The following CAMSAP1 variants were observed in gnomAD, a reference collection of about 807,000 sequenced individuals.
CAMSAP1 encodes the protein calmodulin regulated spectrin associated protein 1.
CAMSAP1 carries 58 observed loss-of-function variants against 143.5 expected under a neutral mutation model. That is an observed-to-expected ratio of 0.40 (90% CI 0.33 to 0.50). The LOEUF (loss-of-function observed/expected upper bound fraction) is 0.50, where lower values mean the gene tolerates loss of function less well. CAMSAP1 is among the 20% of genes least tolerant of loss of function. CAMSAP1 has a pLI of 0.45. For synonymous variants in CAMSAP1, 945 were observed against 859.3 expected (o/e 1.10, Z -1.74); for missense variants, 1,969 against 2,115.7 (o/e 0.93, Z 1.36).
At position 135,822,923 on chromosome 9, in the gene CAMSAP1, G is replaced by A. The variant is rs1262543450; in HGVS notation, c.1738C>T (p.Leu580=). Residue 580 remains leucine, a synonymous_variant, in exon 11 of 17, where the codon CTG becomes TTG. Coordinates refer to ENST00000389532, the MANE Select transcript of CAMSAP1 (RefSeq NM_015447.4). This position sits in a 1 kb window ranked among gnomAD's most constrained non-coding sequence, Gnocchi z 6.1. Reference sequence around the variant, plus strand: ...TCAGGCTTACTTTCCGAGGTGTCCAGCTGTCCTTGGGGAGACCGGGCATTT... The same window carrying A: ...TCAGGCTTACTTTCCGAGGTGTCCAACTGTCCTTGGGGAGACCGGGCATTT... ...TANARSPQGQ[L]DTSESKPDSF... 1 of 1,613,998 alleles carries A rather than the reference G, an allele frequency of 6.2e-7. No individual in the cohort carries two copies. Among genetic ancestry groups the A allele is most frequent in the Non-Finnish European group, 8.5e-7 (1 of 1,179,894 alleles).
intron 4 of CAMSAP1, among the ~76,000 whole-genome samples, chr9:135,863,509 A>T (rs1837270630): frequency 6.6e-6 from 1 of 152,224 alleles, no homozygotes; most frequent in Non-Finnish European, 1.5e-5. Context: ...GAAAACCAGC[A>T]ATCTACAATA....
Position 135,818,639 on chromosome 9 carries a change from C to CA in CAMSAP1, c.3960-24dup, listed in dbSNP as rs1419934344. 6.2e-7 allele frequency: 1 copy of CA among 1,608,200 alleles called. No individual in the cohort carries two copies. Among genetic ancestry groups the CA allele is most frequent in the Admixed American group, 1.7e-5 (1 of 59,914 alleles). Reference sequence around the variant, plus strand: ...CGCCTGAGAGAAACACACGCCCAGACACTGCTCGGTCACGGGGCTTCTTCC... The same window carrying CA: ...CGCCTGAGAGAAACACACGCCCAGACAACTGCTCGGTCACGGGGCTTCTTCC... On this transcript the variant is annotated intron_variant, in intron 12 of 16. Transcript: ENST00000389532. This position sits in a 1 kb window ranked among gnomAD's most constrained non-coding sequence, Gnocchi z 7.7.
chr9:135,822,091 T>C lies in CAMSAP1; in HGVS notation c.2570A>G (p.Gln857Arg), dbSNP rs1169761040. 1.9e-6 allele frequency: 3 copies of C among 1,612,874 alleles called. No individual in the cohort carries two copies. Among genetic ancestry groups the C allele is most frequent in the Non-Finnish European group, 2.5e-6 (3 of 1,179,684 alleles). Residue 857 changes from glutamine (Q) to arginine (R), a missense_variant, in exon 11 of 17, where the codon CAG becomes CGG. Physicochemically the swap from Gln to Arg is conservative, Grantham distance 43. Coordinates refer to ENST00000389532, the MANE Select transcript of CAMSAP1 (RefSeq NM_015447.4). The surrounding 1 kb of genome is among the most constrained non-coding windows in gnomAD (Gnocchi z 6.1). ...CTGGCTCGGACTCTGCTCCCTCTTC[T>C]GCCTCCACGTCGTCAGAGGGGCTGG... ...SCPAPLTTWRQKREQSPSQHG... is the reference protein window; with the variant it reads ...SCPAPLTTWRRKREQSPSQHG...
rs201570428 is a variant in CAMSAP1, at chr9:135,820,893, C to T, written c.3768G>A (p.Ser1256=). Residue 1256 remains serine (S), a synonymous_variant, in exon 11 of 17, where the codon TCG becomes TCA. Transcript: ENST00000389532. The surrounding 1 kb of genome is among the most constrained non-coding windows in gnomAD (Gnocchi z 4.4). ...GGTCGCCTTCGCTGACAAGGTCCGC[C>T]GAGCCATCGAGGCTTACCAGCTCCC... ...EDGELVSLDG[S]ADLVSEGDQK... 125 of 1,613,696 alleles carry T rather than the reference C, an allele frequency of 7.7e-5. No homozygotes were observed. The East Asian group carries it at 1.6e-3, about 20-fold the overall frequency.
chr9:135,903,220 A>G (rs1024299992), intron 1 of CAMSAP1, among the ~76,000 whole-genome samples: 1 of 152,186 alleles, frequency 6.6e-6, no homozygotes, highest in African/African-American at 2.4e-5. Flanking sequence ...CTTTCCACCA[A>G]TTTATTACAA....
At chr9:135,892,867 A>AAAAAAAAAAAAG (rs1554800261) in intron 1 of CAMSAP1, among the ~76,000 whole-genome samples, 12 of 147,834 alleles carry the variant, frequency 8.1e-5, no homozygotes, top group African/African-American at 3.0e-4. Flanking sequence ...AAAAAAAAAA[A>AAAAAAAAAAAAG]GAACTAATCA....
Position 135,877,131 on chromosome 9 carries a change from T to C in CAMSAP1, c.585+4502A>G, listed in dbSNP as rs1588496592. On this transcript the variant is annotated intron_variant, in intron 3 of 16. Transcript: ENST00000389532. Reference sequence around the variant, plus strand: ...AGGTGGACAGATAAACGAACCATGGTATATGCACACGATGGAACTCTACCA... The same window carrying C: ...AGGTGGACAGATAAACGAACCATGGCATATGCACACGATGGAACTCTACCA... Among the ~76,000 whole-genome samples the C allele has an allele frequency of 2.0e-5, 3 of 151,946 alleles. No homozygotes were observed. In the East Asian group the frequency reaches 5.8e-4, roughly 29 times the overall value.
rs115460772 is a variant in CAMSAP1 at position 135,850,885 on chromosome 9, G to A, written c.809-424C>T. Among the ~76,000 whole-genome samples, 1,288 of 152,348 alleles carry A rather than the reference G, an allele frequency of 8.5e-3. 26 individuals are homozygous for A. The highest frequency in any genetic ancestry group is 0.03 in the African/African-American group (1,227 of 41,580). On this transcript the variant is annotated intron_variant, in intron 5 of 16. Coordinates refer to ENST00000389532, the MANE Select transcript of CAMSAP1 (RefSeq NM_015447.4). ...CAGGGGGAAGGGAAATGAATAAAAC[G>A]TAAAGCATCAGGCTCATCCACGCCC...
At chr9:135,846,622 T>G (rs1222550863) in intron 7 of CAMSAP1, among the ~76,000 whole-genome samples, 1 of 143,502 alleles carries the variant, frequency 7.0e-6, no homozygotes, top group Non-Finnish European at 1.5e-5. Flanking sequence ...ATTTTTGCAA[T>G]CTATCCAACT....
intron 3 of CAMSAP1, among the ~76,000 whole-genome samples, chr9:135,869,758 T>C (rs1259288261): frequency 6.6e-6 from 1 of 152,018 alleles, no homozygotes; most frequent in Non-Finnish European, 1.5e-5. Context: ...TTCACAATAG[T>C]CAAGATGCAG....
At chr9:135,864,028 A>G (rs1221838617) in intron 4 of CAMSAP1, among the ~76,000 whole-genome samples, 2 of 152,218 alleles carry the variant, frequency 1.3e-5, no homozygotes, top group Non-Finnish European at 2.9e-5. Flanking sequence ...TAGGCTGTAC[A>G]GTGTTGAGGT....
chr9:135,893,181 AAGAGAAG>A (rs1419308321), intron 1 of CAMSAP1, among the ~76,000 whole-genome samples: 2 of 151,902 alleles, frequency 1.3e-5, no homozygotes, highest in Non-Finnish European at 2.9e-5. Flanking sequence ...AGAAGAAAAG[AAGAGAAG>A]AGAGAAGAGA....
intron 16 of CAMSAP1, 97 bp downstream of exon 16, chr9:135,815,000 G>A: frequency 2.3e-6 from 2 of 859,766 alleles, no homozygotes; most frequent in Non-Finnish European, 3.7e-6. Flanking sequence ...TAACTCTCAT[G>A]CATCAAAGAT....
intron 15 of CAMSAP1, among the ~76,000 whole-genome samples, 177 bp downstream of exon 15, chr9:135,815,713 C>T (rs1197010022): frequency 6.6e-6 from 1 of 152,272 alleles, no homozygotes; most frequent in Non-Finnish European, 1.5e-5. Context: ...AGAGCTTCTA[C>T]TAAACCACAT....
chr9:135,833,231 G>C (rs1024212832), intron 7 of CAMSAP1, among the ~76,000 whole-genome samples: 2 of 151,930 alleles, frequency 1.3e-5, no homozygotes, highest in Non-Finnish European at 1.5e-5. Flanking sequence ...ACAGGCGCCC[G>C]CCACTACGCC....
At chr9:135,834,131 C>T (rs1835939703) in intron 7 of CAMSAP1, among the ~76,000 whole-genome samples, 1 of 152,026 alleles carries the variant, frequency 6.6e-6, no homozygotes, top group Admixed American at 6.6e-5. Context: ...GTCAGGATGG[C>T]TATTATCAAA....
chr9:135,877,046 G>A (rs1336280012), intron 3 of CAMSAP1, among the ~76,000 whole-genome samples: 1 of 151,984 alleles, frequency 6.6e-6, no homozygotes, highest in Non-Finnish European at 1.5e-5. Flanking sequence ...GCACACAAAT[G>A]TCCCTAGTAG....
intron 5 of CAMSAP1, among the ~76,000 whole-genome samples, chr9:135,855,868 C>T (rs939043725): frequency 3.8e-4 from 57 of 151,428 alleles, no homozygotes; most frequent in Admixed American, 8.5e-4. Context: ...CTGGCTAACA[C>T]GGTGAAACCC....
intron 1 of CAMSAP1, among the ~76,000 whole-genome samples, chr9:135,885,769 G>C (rs925133666): frequency 1.2e-4 from 18 of 152,186 alleles, no homozygotes; most frequent in African/African-American, 4.3e-4. Context: ...TTCAGATGCA[G>C]GAAAATGAGA....
Sources: gnomAD v4.1 joint callset for allele counts (sites outside exome capture counted in the v4.1 genomes callset) on GRCh38, gnomAD v4.1.1 for gene constraint, Gnocchi (gnomAD v3.1) non-coding constraint, MANE v1.5 for transcripts, NCBI Gene and HGNC (gene_info 2026-07-23, HGNC 2026-07-21) for gene names.